Variants in FLT1 observed in about 807,000 individuals in gnomAD.
FLT1 encodes fms related receptor tyrosine kinase 1, also known as vascular endothelial growth factor receptor 1.
A neutral mutation model predicts 156.3 loss-of-function variants in FLT1; 49 were observed. That is an observed-to-expected ratio of 0.31 (90% CI 0.25 to 0.40). FLT1 has a LOEUF of 0.40. Among genes scored for constraint, FLT1 ranks in the 10% least tolerant of loss-of-function variants. The pLI, the probability that FLT1 is intolerant of heterozygous loss-of-function variation, is 1.00. For synonymous variants in FLT1, 594 were observed against 583.8 expected (o/e 1.02, Z -0.25); for missense variants, 1,322 against 1,637.2 (o/e 0.81, Z 3.32).
intron 3 of FLT1, among the ~76,000 whole-genome samples, chr13:28,449,101 T>G (rs1405024629): frequency 6.6e-6 from 1 of 152,170 alleles, no homozygotes; most frequent in Admixed American, 6.5e-5. Context: ...GGCAACACAG[T>G]GAGACCCCAT....
At chr13:28,428,728 T>C (rs1000972678) in intron 8 of FLT1, among the ~76,000 whole-genome samples, 33 of 152,216 alleles carry the variant, frequency 2.2e-4, no homozygotes, top group African/African-American at 7.2e-4. Flanking sequence ...TTAAAATGCA[T>C]GGTTCTTTAA....
chr13:28,437,855 T>C (rs1231754873), intron 4 of FLT1, among the ~76,000 whole-genome samples: 3 of 152,350 alleles, frequency 2.0e-5, no homozygotes, highest in South Asian at 2.1e-4. Context: ...TGACATTCTG[T>C]CTTCTCTGCA....
At chr13:28,464,233 T>C (rs1026157950) in intron 3 of FLT1, among the ~76,000 whole-genome samples, 7 of 152,226 alleles carry the variant, frequency 4.6e-5, no homozygotes, top group African/African-American at 1.7e-4. Context: ...CAATCCTTCC[T>C]TATCCAAAAA....
chr13:28,387,559 A>G (rs1392225527), intron 13 of FLT1: 1 of 1,063,612 alleles, frequency 9.4e-7, no homozygotes, highest in East Asian at 5.0e-5. Context: ...AGGTTCTTTC[A>G]CTTTTCAGTG....
intron 3 of FLT1, among the ~76,000 whole-genome samples, chr13:28,455,406 C>T (rs1879202273): frequency 6.6e-6 from 1 of 152,076 alleles, no homozygotes; most frequent in Admixed American, 6.6e-5. Flanking sequence ...ATAAATGGTG[C>T]TGAAAAACTG....
intron 15 of FLT1, among the ~76,000 whole-genome samples, chr13:28,348,636 G>A (rs1348121472): frequency 7.2e-5 from 11 of 152,140 alleles, no homozygotes; most frequent in African/African-American, 1.4e-4. Flanking sequence ...GGGGCCGGGC[G>A]CGGTGGCTCA....
chr13:28,322,563 A>G lies in FLT1; in HGVS notation c.2954-204T>C. 1.4e-6 allele frequency: 1 copy of G among 720,584 alleles called. No homozygotes were observed. Among genetic ancestry groups the G allele is most frequent in the East Asian group, 2.7e-5 (1 of 37,296 alleles). The allele number at this position is 720,584 out of a possible 1,614,324, so 44.6% of individuals were successfully genotyped here. ...TTTATCCAAGCATGGGGGCAGGGGGATGATCCATTAAGATGAAAATCCCTG... is the reference window on the plus strand; with the variant it reads ...TTTATCCAAGCATGGGGGCAGGGGGGTGATCCATTAAGATGAAAATCCCTG... On this transcript the variant is annotated intron_variant, in intron 21 of 29. Transcript: ENST00000282397. This position sits in a 1 kb window ranked among gnomAD's most constrained non-coding sequence, Gnocchi z 4.3.
chr13:28,457,934 T>C (rs1437714610), intron 3 of FLT1, among the ~76,000 whole-genome samples: 1 of 84,634 alleles, frequency 1.2e-5, no homozygotes, highest in Non-Finnish European at 2.2e-5. Flanking sequence ...TTTCCTTTTC[T>C]TTTTTTTTTT....
chr13:28,397,231 A>G (rs1375332020), intron 11 of FLT1, among the ~76,000 whole-genome samples, 163 bp from the exon 12 acceptor site: 3 of 152,202 alleles, frequency 2.0e-5, no homozygotes, highest in Non-Finnish European at 2.9e-5. Context: ...CCGAGCCCCA[A>G]CAAGAATGGA....
At chr13:28,423,371 A>G (rs1164831668) in intron 10 of FLT1, among the ~76,000 whole-genome samples, 3 of 152,208 alleles carry the variant, frequency 2.0e-5, no homozygotes, top group Admixed American at 2.0e-4. Context: ...CTGAAAAGTC[A>G]TATTTTCCTG....
rs200672737 is a variant in FLT1, at chr13:28,357,606, T to C, written c.2196A>G (p.Lys732=). 18 of 1,614,064 alleles carry C rather than the reference T, an allele frequency of 1.1e-5. 1 individual carries two copies. The highest frequency in any genetic ancestry group is 1.5e-5 in the Non-Finnish European group (18 of 1,179,912). Residue 732 remains lysine, a synonymous_variant, in exon 15 of 30, where the codon AAA becomes AAG. Coordinates refer to ENST00000282397, the MANE Select transcript of FLT1 (RefSeq NM_002019.4). ...CCACAGAGCCCTTCTGGTTGGTGGC[T>C]TTGCAGTGATAGACACCTTCATCCT... ...TEEDEGVYHC[K]ATNQKGSVES...
intron 2 of FLT1, among the ~76,000 whole-genome samples, 183 bp downstream of exon 2, chr13:28,467,338 T>A (rs1879907668): frequency 6.6e-6 from 1 of 152,036 alleles, no homozygotes; most frequent in South Asian, 2.1e-4. Flanking sequence ...TTCCCCCATT[T>A]CCCTGAGTGA....
At chr13:28,308,728 C>A in intron 28 of FLT1, 115 bp downstream of exon 28, 1 of 748,582 alleles carries the variant, frequency 1.3e-6, no homozygotes, top group Non-Finnish European at 2.5e-6. Context: ...TCAGCCACTC[C>A]TGAATCCAGA....
chr13:28,389,096 C>T, intron 13 of FLT1: 1 of 1,064,930 alleles, frequency 9.4e-7, no homozygotes, highest in Non-Finnish European at 1.1e-6. Flanking sequence ...ACATCTTGCA[C>T]CCCTGGGGCC....
chr13:28,467,413 T>G (rs1045972500), intron 2 of FLT1, 108 bp downstream of exon 2: 31 of 789,720 alleles, frequency 3.9e-5, no homozygotes, highest in Admixed American at 6.1e-5. Flanking sequence ...GTTTGCACTT[T>G]GCAGATCACA....
At chr13:28,411,065 AAATTT>A (rs1876140324) in intron 10 of FLT1, among the ~76,000 whole-genome samples, 1 of 152,120 alleles carries the variant, frequency 6.6e-6, no homozygotes, top group African/African-American at 2.4e-5. Flanking sequence ...CAGGAAAATT[AAATTT>A]ATGTTTTTAA....
chr13:28,449,019 A>C (rs1341033465), intron 3 of FLT1, among the ~76,000 whole-genome samples: 1 of 152,190 alleles, frequency 6.6e-6, no homozygotes, highest in Non-Finnish European at 1.5e-5. Context: ...GATGGCTCAC[A>C]CTTGTAATTC....
intron 3 of FLT1, among the ~76,000 whole-genome samples, chr13:28,460,316 C>A (rs1326577003): frequency 6.6e-6 from 1 of 152,206 alleles, no homozygotes; most frequent in Non-Finnish European, 1.5e-5. Flanking sequence ...AAATAAAACT[C>A]ATGCTTTAAA....
Position 28,401,139 on chromosome 13 carries a change from T to C in FLT1, c.1552-4071A>G, listed in dbSNP as rs960629883. The stretch of plus-strand genomic sequence containing the variant: ...TACTTGGGAGGTTGAGGCAGGAGAA[T>C]CGCTTGAACATGAGAAGCAGAGGTT... On this transcript the variant is annotated intron_variant, in intron 11 of 29. Transcript: ENST00000282397. Among the ~76,000 whole-genome samples the C allele has an allele frequency of 7.2e-5, 11 of 152,256 alleles. No individual in the cohort carries two copies. In the East Asian group the frequency reaches 1.9e-3, roughly 27 times the overall value.
Sources: gnomAD v4.1 joint callset for allele counts (sites outside exome capture counted in the v4.1 genomes callset) on GRCh38, gnomAD v4.1.1 for gene constraint, Gnocchi (gnomAD v3.1) non-coding constraint, MANE v1.5 for transcripts, NCBI Gene and HGNC (gene_info 2026-07-23, HGNC 2026-07-21) for gene names.